AHCY: variants seen among roughly 807,000 people sequenced by gnomAD.
AHCY encodes the protein adenosylhomocysteinase.
AHCY carries 24 observed loss-of-function variants against 45.4 expected under a neutral mutation model. The observed-to-expected ratio is 0.53, with a 90% CI of 0.38 to 0.74. The LOEUF is 0.74. Ranked by LOEUF, AHCY falls within the 30% of genes least tolerant of loss-of-function variation. The pLI is 0.00. For missense variants in AHCY, 449 were observed against 594.1 expected (o/e 0.76, Z 2.54); for synonymous variants, 245 against 235.1 (o/e 1.04, Z -0.39).
Position 34,295,469 on chromosome 20 carries a change from G to A in AHCY, c.145C>T (p.Arg49Cys), listed in dbSNP as rs369428934. The A allele has an allele frequency of 1.5e-5, 25 of 1,614,002 alleles. No individual in the cohort carries two copies. Among genetic ancestry groups the A allele is most frequent in the African/African-American group, 4.0e-5 (3 of 74,942 alleles). The change falls in exon 2 of 10, where the codon CGC (arginine) becomes TGC (cysteine). Residue 49 changes from arginine to cysteine, a missense_variant. Physicochemically the swap from Arg to Cys is radical, Grantham distance 180. Transcript: ENST00000217426. The part of the protein sequence containing the change: ...YSASKPLKGA[R>C]IAGCLHMTVE... ...GTCATGTGCAGGCAGCCAGCGATGCGGGCGCCCTTCAGTGGCTTGGAGGCC... is the reference window on the plus strand; with the variant it reads ...GTCATGTGCAGGCAGCCAGCGATGCAGGCGCCCTTCAGTGGCTTGGAGGCC...
the AHCY span, chr20:34,241,568 T>C: frequency 2.0e-6 from 2 of 976,540 alleles, no homozygotes; most frequent in Non-Finnish European, 2.4e-6. Context: ...GACTTAACAG[T>C]TATCCCTCCT....
At chr20:34,300,730 G>C (rs1429731244) in intron 1 of AHCY, among the ~76,000 whole-genome samples, 1 of 152,196 alleles carries the variant, frequency 6.6e-6, no homozygotes, top group African/African-American at 2.4e-5. Context: ...AGTTTTCAGG[G>C]GCCAGCATTC....
At chr20:34,287,333 T>C (rs1601648365) in intron 8 of AHCY, among the ~76,000 whole-genome samples, 1 of 152,038 alleles carries the variant, frequency 6.6e-6, no homozygotes, top group South Asian at 2.1e-4. Flanking sequence ...AGTGTGGGCA[T>C]TGCCTCTGCC....
At chr20:34,256,340 C>A in the AHCY span, among the ~76,000 whole-genome samples, 3 of 152,186 alleles carry the variant, frequency 2.0e-5, no homozygotes, top group Non-Finnish European at 4.4e-5. Flanking sequence ...GTAGTGGTCC[C>A]CCGGACCCAG....
At chr20:34,249,760 G>A in the AHCY span, among the ~76,000 whole-genome samples, 1 of 152,102 alleles carries the variant, frequency 6.6e-6, no homozygotes, top group Non-Finnish European at 1.5e-5. Flanking sequence ...TAGGGCATCC[G>A]TTATTCACAT....
chr20:34,308,117 A>G (rs1205333), upstream of AHCY, among the ~76,000 whole-genome samples: 1 of 152,226 alleles, frequency 6.6e-6, no homozygotes, highest in East Asian at 1.9e-4. Context: ...TGTTCCTGCA[A>G]AGGACATGAT....
chr20:34,292,306 C>A, intron 4 of AHCY, 52 bp downstream of exon 4: 2 of 1,593,926 alleles, frequency 1.3e-6, no homozygotes, highest in South Asian at 1.1e-5. Flanking sequence ...TGTGGGCAAA[C>A]AGGCCCCACC....
chr20:34,299,565 TCCCACGTATTTATATCCAG>T (rs928245126), intron 1 of AHCY, among the ~76,000 whole-genome samples: 1 of 152,164 alleles, frequency 6.6e-6, no homozygotes, highest in African/African-American at 2.4e-5. Context: ...CGGGGATGAC[TCCCACGTATTTATATCCAG>T]CCCAAACTAC....
At chr20:34,262,950 AAGG>A in the AHCY span, 2 of 1,592,162 alleles carry the variant, frequency 1.3e-6, no homozygotes, top group Non-Finnish European at 1.7e-6. Context: ...GGACTTAAAG[AAGG>A]AGGACCCCCA....
intron 1 of AHCY, among the ~76,000 whole-genome samples, chr20:34,310,793 A>C (rs773472881): frequency 2.6e-5 from 4 of 152,194 alleles, no homozygotes; most frequent in Non-Finnish European, 5.9e-5. Flanking sequence ...GCGCCACTGC[A>C]CTCTGCCTGG....
the AHCY span, among the ~76,000 whole-genome samples, chr20:34,265,573 C>A: frequency 2.0e-5 from 3 of 151,992 alleles, no homozygotes; most frequent in Admixed American, 6.6e-5. Flanking sequence ...TGCCCCTAAC[C>A]CCTGCATTGT....
Position 34,290,358 on chromosome 20 carries a change from C to T in AHCY, c.946G>A (p.Val316Met), listed in dbSNP as rs140039996. Residue 316 changes from valine (V) to methionine (M), a missense_variant, in exon 8 of 10, where the codon GTG becomes ATG. Val to Met is a conservative substitution (Grantham distance 21). Transcript: ENST00000217426. The surrounding 1 kb of genome is among the most constrained non-coding windows in gnomAD (Gnocchi z 4.5). ...TGCGGCTTGATGTTCACCTTCTCCA[C>T]GGCGTTCTCGTTGAGCCACTTGACA... ...IDVKWLNENAVEKVNIKPQVD... is the reference protein window; with the variant it reads ...IDVKWLNENAMEKVNIKPQVD... The T allele has an allele frequency of 8.1e-6, 13 of 1,614,026 alleles. No individual in the cohort carries two copies. The African/African-American group carries it at 1.2e-4, about 15-fold the overall frequency.
chr20:34,287,097 C>T lies in AHCY; in HGVS notation c.973-1463G>A, dbSNP rs553075063. ...CCTCAGGCAGCCTCCCAAACATTTC[C>T]CCAAAAGCCCAGGTTTCCAAGCTGC... On this transcript the variant is annotated intron_variant, in intron 8 of 9. Coordinates refer to ENST00000217426, the MANE Select transcript of AHCY (RefSeq NM_000687.4). 3.3e-5 allele frequency among the ~76,000 whole-genome samples: 5 copies of T among 152,228 alleles called. No individual in the cohort carries two copies. The South Asian group carries it at 1.0e-3, about 32-fold the overall frequency.
intron 9 of AHCY, 54 bp from the exon 10 acceptor site, chr20:34,281,219 C>T (rs886581872): frequency 6.2e-7 from 1 of 1,608,484 alleles, no homozygotes; most frequent in African/African-American, 1.3e-5. Flanking sequence ...GGGACCCCTA[C>T]ACGCGTCTGG....
At chr20:34,295,663 C>T (rs1189829091) in intron 1 of AHCY, 78 bp from the exon 2 acceptor site, 9 of 1,456,722 alleles carry the variant, frequency 6.2e-6, no homozygotes, top group South Asian at 3.6e-5. Context: ...GCATGGACCC[C>T]GATCCACGTG....
chr20:34,291,005 T>C, intron 5 of AHCY, 67 bp from the exon 6 acceptor site: 1 of 1,517,974 alleles, frequency 6.6e-7, no homozygotes, highest in Non-Finnish European at 9.1e-7. Flanking sequence ...CAACTTGGCC[T>C]CAGAGTATTC....
chr20:34,262,976 G>C, the AHCY span: 6 of 1,492,748 alleles, frequency 4.0e-6, no homozygotes, highest in Non-Finnish European at 5.5e-6. Flanking sequence ...CTCTGGCTAG[G>C]AACTAAATGA....
At chr20:34,272,174 A>G in the AHCY span, among the ~76,000 whole-genome samples, 1 of 152,216 alleles carries the variant, frequency 6.6e-6, no homozygotes, top group African/African-American at 2.4e-5. Context: ...AGTAATTCCC[A>G]GGAGAGGCTG....
Position 34,281,162 on chromosome 20 carries a change from C to A in AHCY, c.1171G>T (p.Asp391Tyr). ...AGGTGGGCTTCAGCCACTGCCTCAT[C>A]CAGCTGGGGAGAAACAAAGGAAGAC... ...VGVHFLPKKL[D>Y]EAVAEAHLGK... is the part of the protein sequence containing the mutation. Residue 391 changes from aspartate (D) to tyrosine (Y), a missense_variant, in exon 10 of 10, where the codon GAT becomes TAT. Coordinates refer to ENST00000217426, the MANE Select transcript of AHCY (RefSeq NM_000687.4). The A allele has an allele frequency of 6.2e-7, 1 of 1,613,146 alleles. No individual in the cohort carries two copies. Among genetic ancestry groups the A allele is most frequent in the South Asian group, 1.1e-5 (1 of 91,024 alleles).
Sources: allele counts gnomAD v4.1 joint callset (sites outside exome capture counted in the v4.1 genomes callset), GRCh38; gene constraint gnomAD v4.1.1; non-coding constraint Gnocchi (gnomAD v3.1); transcripts MANE v1.5; gene names NCBI Gene and HGNC (gene_info 2026-07-23, HGNC 2026-07-21).